ALDH1A2: variants seen among roughly 807,000 people sequenced by gnomAD.
ALDH1A2 encodes retinal dehydrogenase 2.
ALDH1A2 carries 27 observed loss-of-function variants against 60.3 expected under a neutral mutation model. That is an observed-to-expected ratio of 0.45 (90% CI 0.33 to 0.62). The LOEUF (loss-of-function observed/expected upper bound fraction) is 0.62, where lower values mean the gene tolerates loss of function less well. Among genes scored for constraint, ALDH1A2 ranks in the 20% least tolerant of loss-of-function variants. The pLI is 0.02. For missense variants in ALDH1A2, 581 were observed against 643.8 expected (o/e 0.90, Z 1.06); for synonymous variants, 289 against 232.4 (o/e 1.24, Z -2.21).
intron 1 of ALDH1A2, among the ~76,000 whole-genome samples, chr15:58,029,825 A>G (rs1380659336): frequency 6.6e-6 from 1 of 152,194 alleles, no homozygotes; most frequent in Non-Finnish European, 1.5e-5. Flanking sequence ...ACACCCTCCC[A>G]AGAATAAACC....
chr15:57,959,388 G>A (rs1893647331), intron 12 of ALDH1A2, among the ~76,000 whole-genome samples: 1 of 152,178 alleles, frequency 6.6e-6, no homozygotes, highest in African/African-American at 2.4e-5. Context: ...AAAGCTGAAG[G>A]AATACTAAGA....
intron 4 of ALDH1A2, among the ~76,000 whole-genome samples, chr15:57,998,721 C>G (rs191552777): frequency 1.3e-3 from 200 of 151,816 alleles, no homozygotes; most frequent in African/African-American, 4.7e-3. Context: ...TCATATGGAA[C>G]CTAAAGAGCC....
chr15:58,042,984 A>G (rs1896555774), intron 1 of ALDH1A2, among the ~76,000 whole-genome samples: 1 of 151,930 alleles, frequency 6.6e-6, no homozygotes, highest in Non-Finnish European at 1.5e-5. Flanking sequence ...GGGCTTATTT[A>G]TAAGGGGATA....
intron 1 of ALDH1A2, chr15:58,014,521 A>T (rs150388673): frequency 1.8e-6 from 1 of 557,244 alleles, no homozygotes; most frequent in African/African-American, 1.9e-5. Context: ...CTGTCAACTA[A>T]CTAAAGATAC....
intron 1 of ALDH1A2, among the ~76,000 whole-genome samples, chr15:58,044,276 T>G (rs1029408249): frequency 6.6e-6 from 1 of 151,930 alleles, no homozygotes; most frequent in East Asian, 1.9e-4. Context: ...CTGTGCACAT[T>G]AGGTATTTGT....
intron 7 of ALDH1A2, among the ~76,000 whole-genome samples, chr15:57,978,309 G>A (rs966602371): frequency 6.6e-6 from 1 of 152,162 alleles, no homozygotes; most frequent in Admixed American, 6.5e-5. Flanking sequence ...TGTCCATTCA[G>A]TACGATGTTG....
chr15:58,048,788 G>A (rs926401772), intron 1 of ALDH1A2, among the ~76,000 whole-genome samples: 46 of 152,028 alleles, frequency 3.0e-4, no homozygotes, highest in Admixed American at 3.9e-4. Context: ...TCTCATGGAG[G>A]TCTTCTTGGA....
intron 5 of ALDH1A2, among the ~76,000 whole-genome samples, chr15:57,993,987 G>A (rs1894973733): frequency 6.6e-6 from 1 of 152,156 alleles, no homozygotes; most frequent in South Asian, 2.1e-4. Context: ...TTATAAACTT[G>A]GGAGTCCACC....
chr15:57,960,867 T>C (rs1291646740), intron 11 of ALDH1A2, 23 bp from the exon 12 acceptor site: 2 of 1,596,928 alleles, frequency 1.3e-6, no homozygotes, highest in Non-Finnish European at 1.7e-6. Context: ...AACATAGCAC[T>C]GTGAGTTCGT....
At chr15:58,033,699 T>A (rs866150884) in intron 1 of ALDH1A2, among the ~76,000 whole-genome samples, 96 of 143,724 alleles carry the variant, frequency 6.7e-4, no homozygotes, top group African/African-American at 2.2e-3. Flanking sequence ...TTTTTTTTTT[T>A]ACATGTGAAT....
intron 12 of ALDH1A2, among the ~76,000 whole-genome samples, chr15:57,957,904 C>G (rs1446580908): frequency 1.3e-5 from 2 of 150,810 alleles, no homozygotes; most frequent in Non-Finnish European, 2.9e-5. Context: ...TGCAGGTGGT[C>G]AGGACTGAGA....
chr15:58,023,644 A>G (rs1232704605), intron 1 of ALDH1A2, among the ~76,000 whole-genome samples: 1 of 115,380 alleles, frequency 8.7e-6, no homozygotes. Context: ...GAGATGGTAT[A>G]TTCAAAGTGC....
intron 4 of ALDH1A2, among the ~76,000 whole-genome samples, chr15:58,006,440 T>C (rs1296656911): frequency 6.6e-6 from 1 of 151,996 alleles, no homozygotes; most frequent in African/African-American, 2.4e-5. Context: ...GTTGGTACCA[T>C]ATTTTTGCAG....
intron 1 of ALDH1A2, among the ~76,000 whole-genome samples, chr15:58,025,739 G>A (rs571117103): frequency 6.6e-6 from 1 of 152,170 alleles, no homozygotes; most frequent in African/African-American, 2.4e-5. Context: ...TGAGAAGTAG[G>A]GTGCCAGCAT....
intron 7 of ALDH1A2, among the ~76,000 whole-genome samples, chr15:57,972,407 G>C (rs72737411): frequency 1.5e-4 from 23 of 152,086 alleles, no homozygotes; most frequent in Non-Finnish European, 2.8e-4. Flanking sequence ...TCTATTTCAG[G>C]TAAGCTTTAA....
intron 7 of ALDH1A2, among the ~76,000 whole-genome samples, chr15:57,982,661 G>T (rs1268226006): frequency 1.3e-5 from 2 of 152,172 alleles, no homozygotes; most frequent in African/African-American, 4.8e-5. Context: ...TTCAGCTTGG[G>T]AATTATCTTT....
chr15:58,021,133 G>C (rs188924146), intron 1 of ALDH1A2, among the ~76,000 whole-genome samples: 1 of 152,128 alleles, frequency 6.6e-6, no homozygotes. Context: ...ATTTTGATGT[G>C]TCTCTGTAAG....
chr15:58,014,640 C>T (rs1253535727), intron 1 of ALDH1A2: 1 of 426,604 alleles, frequency 2.3e-6, no homozygotes, highest in Non-Finnish European at 4.6e-6. Flanking sequence ...AATAGCAGAT[C>T]AAACTTACAG....
At chr15:58,051,885 C>T (rs983328143) in intron 1 of ALDH1A2, among the ~76,000 whole-genome samples, 1 of 152,162 alleles carries the variant, frequency 6.6e-6, no homozygotes, top group South Asian at 2.1e-4. Flanking sequence ...CGCTTCCTCA[C>T]CCTCCATGGT....
Sources: gnomAD v4.1 joint callset for allele counts (sites outside exome capture counted in the v4.1 genomes callset) on GRCh38, gnomAD v4.1.1 for gene constraint, MANE v1.5 for transcripts, NCBI Gene and HGNC (gene_info 2026-07-23, HGNC 2026-07-21) for gene names.